The following NPLOC4 variants were observed in gnomAD, a reference collection of about 807,000 sequenced individuals.
NPLOC4 encodes the protein nuclear protein localization protein 4 homolog.
In NPLOC4, 18 loss-of-function variants were observed where a neutral mutation model predicts 80.6. The observed-to-expected ratio is 0.22, with a 90% CI of 0.15 to 0.33. NPLOC4 has a LOEUF of 0.33. Among genes scored for constraint, NPLOC4 ranks in the 10% least tolerant of loss-of-function variants. The pLI is 1.00. For synonymous variants in NPLOC4, 313 were observed against 301.5 expected (o/e 1.04, Z -0.39); for missense variants, 540 against 786.1 (o/e 0.69, Z 3.74).
chr17:81,635,457 A>G (rs2036042176), intron 1 of NPLOC4, among the ~76,000 whole-genome samples: 1 of 151,892 alleles, frequency 6.6e-6, no homozygotes, highest in South Asian at 2.1e-4. Flanking sequence ...AGGCACCAAG[A>G]GGGCCCCTGA....
At chr17:81,573,328 C>T (rs968032607) in intron 12 of NPLOC4, among the ~76,000 whole-genome samples, 7 of 152,194 alleles carry the variant, frequency 4.6e-5, no homozygotes, top group Non-Finnish European at 8.8e-5. Context: ...GAGGCCACCC[C>T]CATCACAACC....
intron 12 of NPLOC4, among the ~76,000 whole-genome samples, chr17:81,579,076 T>C (rs1448327988): frequency 6.6e-6 from 1 of 152,210 alleles, no homozygotes; most frequent in Non-Finnish European, 1.5e-5. Flanking sequence ...GCACACAGCA[T>C]AGACTGCATG....
chr17:81,597,505 C>T (rs1272024327), intron 9 of NPLOC4, among the ~76,000 whole-genome samples, 189 bp from the exon 10 acceptor site: 3 of 152,048 alleles, frequency 2.0e-5, no homozygotes, highest in African/African-American at 7.2e-5. Context: ...AGAAATTAGG[C>T]CGGGTGCGGT....
At chr17:81,620,876 G>T (rs2144291991) in intron 3 of NPLOC4, among the ~76,000 whole-genome samples, 1 of 151,708 alleles carries the variant, frequency 6.6e-6, no homozygotes, top group East Asian at 2.0e-4. Flanking sequence ...AGCTAGATTT[G>T]ATTTAAAAGT....
chr17:81,579,591 TCCAC>T (rs1342051877), intron 12 of NPLOC4, among the ~76,000 whole-genome samples: 1 of 151,936 alleles, frequency 6.6e-6, no homozygotes, highest in East Asian at 1.9e-4. Context: ...TCCTGCCAGC[TCCAC>T]CCACCTCTGC....
chr17:81,562,959 A>G (rs987900260), intron 16 of NPLOC4: 3 of 151,146 alleles, frequency 2.0e-5, no homozygotes, highest in African/African-American at 7.3e-5. Flanking sequence ...GAGGGGGGAA[A>G]AAAAAAAGGT....
chr17:81,596,920 G>C (rs1474480060), intron 10 of NPLOC4, among the ~76,000 whole-genome samples: 1 of 152,060 alleles, frequency 6.6e-6, no homozygotes, highest in Non-Finnish European at 1.5e-5. Context: ...AGACCATCCT[G>C]GCTAACACAG....
chr17:81,615,100 CTT>C (rs1555686152), intron 3 of NPLOC4, among the ~76,000 whole-genome samples: 9 of 133,532 alleles, frequency 6.7e-5, no homozygotes, highest in Non-Finnish European at 7.8e-5. Flanking sequence ...ACGTCTGTTT[CTT>C]TTTTTTTTTT....
At position 81,572,851 on chromosome 17, in the gene NPLOC4, G is replaced by A. The variant is rs1182548036; in HGVS notation, c.1282-763C>T. ...ACACCTCTGAAAACCCGACTTTCCA[G>A]AAACCGAGTACTTGGACATTAATAA... On this transcript the variant is annotated intron_variant, in intron 12 of 16. Transcript: ENST00000331134. This position sits in a 1 kb window ranked among gnomAD's most constrained non-coding sequence, Gnocchi z 4.5. Among the ~76,000 whole-genome samples, 1 of 152,148 alleles carries A rather than the reference G, an allele frequency of 6.6e-6. No homozygotes were observed. The highest frequency in any genetic ancestry group is 1.5e-5 in the Non-Finnish European group (1 of 68,040).
chr17:81,580,928 C>T lies in NPLOC4; in HGVS notation c.1281+8016G>A, dbSNP rs1275941442. Among the ~76,000 whole-genome samples the T allele has an allele frequency of 6.6e-6, 1 of 152,192 alleles. No homozygotes were observed. Among genetic ancestry groups the T allele is most frequent in the Admixed American group, 6.5e-5 (1 of 15,280 alleles). ...GCCCAGGGCCAGCCTCCCATGCCCACAGCTGGGGGCCTGGGAGAGACATGG... is the reference window on the plus strand; with the variant it reads ...GCCCAGGGCCAGCCTCCCATGCCCATAGCTGGGGGCCTGGGAGAGACATGG... On this transcript the variant is annotated intron_variant, in intron 12 of 16. Coordinates refer to ENST00000331134, the MANE Select transcript of NPLOC4 (RefSeq NM_017921.4). The surrounding 1 kb of genome is among the most constrained non-coding windows in gnomAD (Gnocchi z 4.4).
chr17:81,591,147 G>A (rs2144148232), intron 11 of NPLOC4, among the ~76,000 whole-genome samples: 1 of 152,270 alleles, frequency 6.6e-6, no homozygotes, highest in South Asian at 2.1e-4. Context: ...ATGAAAACCT[G>A]GACTGGGCTT....
At chr17:81,564,119 A>ACACAC in intron 16 of NPLOC4, 3 of 164,646 alleles carry the variant, frequency 1.8e-5, no homozygotes, top group Non-Finnish European at 2.6e-5. Context: ...CACACACACA[A>ACACAC]AGAGCAGGGC....
chr17:81,595,826 G>A (rs1405255038), intron 11 of NPLOC4, among the ~76,000 whole-genome samples: 1 of 152,156 alleles, frequency 6.6e-6, no homozygotes, highest in Non-Finnish European at 1.5e-5. Flanking sequence ...TTACAGGCGT[G>A]AGCCACCACG....
chr17:81,609,432 G>A (rs1430009743), intron 5 of NPLOC4, among the ~76,000 whole-genome samples: 1 of 152,064 alleles, frequency 6.6e-6, no homozygotes, highest in East Asian at 1.9e-4. Flanking sequence ...TCAGCTTCCT[G>A]AGTAGCTGGG....
intron 12 of NPLOC4, among the ~76,000 whole-genome samples, chr17:81,581,375 AAGTTAAT>A (rs2034436642): frequency 9.6e-5 from 7 of 72,852 alleles, no homozygotes; most frequent in East Asian, 6.3e-4. Flanking sequence ...AAAAAAAAAA[AAGTTAAT>A]AAAATCACCA....
intron 12 of NPLOC4, among the ~76,000 whole-genome samples, chr17:81,576,083 T>C (rs755743328): frequency 3.3e-5 from 5 of 152,208 alleles, no homozygotes; most frequent in Non-Finnish European, 5.9e-5. Context: ...CAGAGGACGA[T>C]GACCAGAAGT....
intron 1 of NPLOC4, among the ~76,000 whole-genome samples, chr17:81,631,019 A>C (rs2035913541): frequency 6.6e-6 from 1 of 151,910 alleles, no homozygotes; most frequent in African/African-American, 2.4e-5. Context: ...CTAAAAATAC[A>C]AAAATTAGCT....
chr17:81,619,194 GATCA>G (rs959784255), intron 3 of NPLOC4, among the ~76,000 whole-genome samples: 2 of 119,374 alleles, frequency 1.7e-5, no homozygotes, highest in Non-Finnish European at 3.3e-5. Context: ...ACCCAAGAAT[GATCA>G]ATTAAAAAAA....
At chr17:81,600,531 G>A in intron 8 of NPLOC4, 104 bp from the exon 9 acceptor site, 1 of 802,336 alleles carries the variant, frequency 1.2e-6, no homozygotes, top group African/African-American at 1.7e-5. Flanking sequence ...AGTGCTGGGG[G>A]CCTCCTTGTC....
Sources: allele counts gnomAD v4.1 joint callset (sites outside exome capture counted in the v4.1 genomes callset), GRCh38; gene constraint gnomAD v4.1.1; non-coding constraint Gnocchi (gnomAD v3.1); transcripts MANE v1.5; gene names NCBI Gene and HGNC (gene_info 2026-07-23, HGNC 2026-07-21).